Variants in HPSE2 observed in about 807,000 individuals in gnomAD.
The protein encoded by HPSE2 is heparanase 2 (inactive).
Under a neutral mutation model 60.5 loss-of-function variants are expected in HPSE2, and 38 were observed. The ratio of observed to expected loss-of-function variants is 0.63; its 90% CI spans 0.48 to 0.82. The LOEUF (loss-of-function observed/expected upper bound fraction) is 0.82, where lower values mean the gene tolerates loss of function less well. HPSE2 is among the 40% of genes least tolerant of loss of function. The probability of loss-of-function intolerance (pLI) is 0.00; values close to 1 mark genes in which losing one functional copy is unlikely to be tolerated. For missense variants in HPSE2, 713 were observed against 740.4 expected (o/e 0.96, Z 0.43); for synonymous variants, 295 against 293.2 (o/e 1.01, Z -0.06).
intron 11 of HPSE2, chr10:98,461,856 T>C: frequency 6.9e-7 from 1 of 1,451,712 alleles, no homozygotes; most frequent in Non-Finnish European, 9.6e-7. Context: ...TAGCAAACCT[T>C]TAAAAATCTA....
the HPSE2 span, among the ~76,000 whole-genome samples, chr10:99,273,132 T>C: frequency 4.6e-5 from 7 of 152,078 alleles, no homozygotes; most frequent in East Asian, 9.6e-4. Flanking sequence ...CTGGATGAAA[T>C]TGGAGAGGAT....
intron 4 of HPSE2, among the ~76,000 whole-genome samples, chr10:98,731,655 T>C (rs1381416672): frequency 6.6e-6 from 1 of 152,138 alleles, no homozygotes; most frequent in Non-Finnish European, 1.5e-5. Context: ...AAGAAAAACC[T>C]AGACCTAACA....
chr10:98,730,689 T>C (rs113632601), intron 4 of HPSE2, among the ~76,000 whole-genome samples: 6 of 152,084 alleles, frequency 3.9e-5, no homozygotes, highest in African/African-American at 1.4e-4. Flanking sequence ...TTTGTGCCAA[T>C]AATTTAGAAA....
intron 9 of HPSE2, among the ~76,000 whole-genome samples, chr10:98,549,896 T>C (rs1400153431): frequency 6.6e-6 from 1 of 152,174 alleles, no homozygotes; most frequent in Non-Finnish European, 1.5e-5. Context: ...TCCTGAGCAA[T>C]ATCATCTACT....
chr10:98,715,749 G>A (rs1463960979), intron 5 of HPSE2, among the ~76,000 whole-genome samples: 2 of 151,976 alleles, frequency 1.3e-5, no homozygotes, highest in African/African-American at 2.4e-5. Flanking sequence ...AAATGATAAC[G>A]ATCATCTGAG....
chr10:98,508,684 T>C (rs539055892), intron 9 of HPSE2, among the ~76,000 whole-genome samples: 1 of 152,242 alleles, frequency 6.6e-6, no homozygotes, highest in East Asian at 1.9e-4. Flanking sequence ...AAGTCTCTCA[T>C]GAAGGAACAT....
the HPSE2 span, among the ~76,000 whole-genome samples, chr10:99,291,569 CA>C: frequency 8.9e-6 from 1 of 112,506 alleles, no homozygotes; most frequent in Non-Finnish European, 1.7e-5. Context: ...GGTGACAAAG[CA>C]AGACTCCATC....
chr10:98,949,495 G>A (rs1169056460), intron 3 of HPSE2, among the ~76,000 whole-genome samples: 1 of 152,126 alleles, frequency 6.6e-6, no homozygotes, highest in Non-Finnish European at 1.5e-5. Flanking sequence ...AAAAAAGCCA[G>A]TCTGACAAGA....
At chr10:98,778,286 G>GAGAGAGAGAGAT (rs1950389821) in intron 3 of HPSE2, among the ~76,000 whole-genome samples, 2 of 151,186 alleles carry the variant, frequency 1.3e-5, no homozygotes, top group African/African-American at 2.4e-5. Flanking sequence ...GAGAGAGAGA[G>GAGAGAGAGAGAT]AGAGAGAGAG....
intron 3 of HPSE2, among the ~76,000 whole-genome samples, chr10:98,778,410 T>TG (rs1287388952): frequency 2.0e-5 from 3 of 152,096 alleles, no homozygotes; most frequent in Admixed American, 6.5e-5. Flanking sequence ...GCATGAGTTC[T>TG]GGGGGGTCAC....
chr10:98,860,160 T>C (rs909266471), intron 3 of HPSE2, among the ~76,000 whole-genome samples: 1 of 152,188 alleles, frequency 6.6e-6, no homozygotes, highest in Admixed American at 6.5e-5. Context: ...ATATATTCCC[T>C]ATTTATTCTG....
chr10:98,840,410 C>A (rs1445989923), intron 3 of HPSE2, among the ~76,000 whole-genome samples: 1 of 152,152 alleles, frequency 6.6e-6, no homozygotes, highest in African/African-American at 2.4e-5. Context: ...ATAAATCTGA[C>A]AGCACAGTGG....
intron 3 of HPSE2, among the ~76,000 whole-genome samples, chr10:99,071,585 G>A (rs1693846635): frequency 6.6e-6 from 1 of 152,146 alleles, no homozygotes; most frequent in African/African-American, 2.4e-5. Context: ...ATGTTTTTAA[G>A]CATCTTTACA....
intron 9 of HPSE2, among the ~76,000 whole-genome samples, chr10:98,538,879 T>C (rs1163283547): frequency 6.6e-6 from 1 of 152,172 alleles, no homozygotes; most frequent in East Asian, 1.9e-4. Flanking sequence ...GGCATAAGCA[T>C]ACGCATTTGC....
intron 3 of HPSE2, among the ~76,000 whole-genome samples, chr10:99,005,614 G>A (rs556256792): frequency 1.3e-5 from 2 of 152,112 alleles, no homozygotes; most frequent in South Asian, 4.2e-4. Flanking sequence ...GCTTCCTTAA[G>A]ACAATCATCT....
At chr10:98,769,813 T>C (rs964382169) in intron 3 of HPSE2, among the ~76,000 whole-genome samples, 12 of 152,202 alleles carry the variant, frequency 7.9e-5, no homozygotes, top group Admixed American at 2.0e-4. Context: ...GAGACATAAG[T>C]AACTTGGACA....
chr10:98,729,293 A>C (rs1489914959), intron 4 of HPSE2, among the ~76,000 whole-genome samples: 1 of 152,180 alleles, frequency 6.6e-6, no homozygotes, highest in Non-Finnish European at 1.5e-5. Flanking sequence ...AACAGATTGA[A>C]GGTAAAATTT....
At chr10:99,299,735 G>A in the HPSE2 span, among the ~76,000 whole-genome samples, 10 of 152,250 alleles carry the variant, frequency 6.6e-5, no homozygotes, top group East Asian at 1.9e-3. Flanking sequence ...GTATGAAGAA[G>A]TGTGCAGTCA....
intron 3 of HPSE2, among the ~76,000 whole-genome samples, chr10:98,964,045 A>AC (rs1955752142): frequency 6.6e-6 from 1 of 152,204 alleles, no homozygotes; most frequent in Admixed American, 6.5e-5. Context: ...TCAGAAGAGC[A>AC]CGTCTATTAC....
Sources: allele counts gnomAD v4.1 joint callset (sites outside exome capture counted in the v4.1 genomes callset), GRCh38; gene constraint gnomAD v4.1.1; transcripts MANE v1.5; gene names NCBI Gene and HGNC (gene_info 2026-07-23, HGNC 2026-07-21).